The following PARD3B variants were observed in gnomAD, a reference collection of about 807,000 sequenced individuals.
PARD3B encodes the protein par-3 family cell polarity regulator beta, also known as partitioning defective 3 homolog B.
PARD3B carries 103 observed loss-of-function variants against 130.2 expected under a neutral mutation model. That is an observed-to-expected ratio of 0.79 (90% CI 0.67 to 0.93). The LOEUF (loss-of-function observed/expected upper bound fraction) is 0.93, where lower values mean the gene tolerates loss of function less well. Ranked by LOEUF, PARD3B falls within the 40% of genes least tolerant of loss-of-function variation. The pLI, the probability that PARD3B is intolerant of heterozygous loss-of-function variation, is 0.00. For missense variants in PARD3B, 1,609 were observed against 1,499.2 expected (o/e 1.07, Z -1.21); for synonymous variants, 583 against 553.2 (o/e 1.05, Z -0.76).
At chr2:205,513,555 C>A (rs2050672161) in intron 21 of PARD3B, among the ~76,000 whole-genome samples, 1 of 152,156 alleles carries the variant, frequency 6.6e-6, no homozygotes, top group African/African-American at 2.4e-5. Context: ...AGAAGAAAAC[C>A]TGTTAATATC....
chr2:204,637,128 G>T (rs2034910976), intron 1 of PARD3B, among the ~76,000 whole-genome samples: 1 of 151,816 alleles, frequency 6.6e-6, no homozygotes, highest in African/African-American at 2.4e-5. Context: ...AATTAATCTG[G>T]AGTACATTTT....
intron 1 of PARD3B, among the ~76,000 whole-genome samples, chr2:204,554,704 T>G (rs538082760): frequency 1.3e-5 from 2 of 152,128 alleles, no homozygotes; most frequent in East Asian, 3.9e-4. Context: ...AGTGATAATT[T>G]AAAATTATAA....
chr2:205,023,530 C>T lies in PARD3B; in HGVS notation c.395-24051C>T, dbSNP rs1448426729. Among the ~76,000 whole-genome samples, 8 of 93,634 alleles carry T rather than the reference C, an allele frequency of 8.5e-5. No homozygotes were observed. The South Asian group carries it at 2.9e-3, about 34-fold the overall frequency. 61.4% of individuals were successfully genotyped at this position (93,634 alleles called of 152,430 possible). ...TTTATTTTTATTTTTAGCAGCAGTA[C>T]CCCCCCACCCCCCGCCAAATCCCCC... On this transcript the variant is annotated intron_variant, in intron 3 of 22. Transcript: ENST00000406610.
chr2:205,232,171 T>C (rs908295326), intron 15 of PARD3B, among the ~76,000 whole-genome samples: 19 of 152,190 alleles, frequency 1.2e-4, no homozygotes, highest in Admixed American at 1.0e-3. Flanking sequence ...CAGGAAGGGC[T>C]AAGCACAGTG....
intron 4 of PARD3B, among the ~76,000 whole-genome samples, chr2:205,077,912 A>C (rs2125503338): frequency 6.6e-6 from 1 of 152,302 alleles, no homozygotes; most frequent in East Asian, 1.9e-4. Context: ...TGAGGTGGGG[A>C]AGTTTATAAA....
chr2:204,616,606 G>T (rs1406758560), intron 1 of PARD3B, among the ~76,000 whole-genome samples: 1 of 152,142 alleles, frequency 6.6e-6, no homozygotes, highest in African/African-American at 2.4e-5. Context: ...TCCAGCAATT[G>T]TGCTCCCTGA....
intron 2 of PARD3B, among the ~76,000 whole-genome samples, chr2:204,719,566 TA>T (rs2125316688): frequency 6.6e-6 from 1 of 152,342 alleles, no homozygotes; most frequent in African/African-American, 2.4e-5. Context: ...TAACCACATG[TA>T]ACCTTCTGGT....
intron 2 of PARD3B, among the ~76,000 whole-genome samples, chr2:204,904,095 TA>T (rs1264253819): frequency 3.9e-5 from 6 of 152,198 alleles, no homozygotes; most frequent in Admixed American, 1.3e-4. Context: ...TATTTTACTT[TA>T]TTTTTTTGCA....
At chr2:204,784,928 G>A (rs558608980) in intron 2 of PARD3B, among the ~76,000 whole-genome samples, 2 of 152,162 alleles carry the variant, frequency 1.3e-5, no homozygotes, top group African/African-American at 2.4e-5. Flanking sequence ...GTATTTTTAC[G>A]TCTTGTGTTA....
chr2:205,548,956 C>T (rs929859560), intron 21 of PARD3B, among the ~76,000 whole-genome samples: 1 of 152,048 alleles, frequency 6.6e-6, no homozygotes, highest in African/African-American at 2.4e-5. Context: ...GGCCAAAGAC[C>T]TCAATGGATC....
intron 2 of PARD3B, among the ~76,000 whole-genome samples, chr2:204,931,251 AT>A (rs1688008904): frequency 1.3e-5 from 2 of 152,248 alleles, no homozygotes; most frequent in Admixed American, 1.3e-4. Context: ...GCTCAGTCAA[AT>A]TTCTTCACCA....
In PARD3B at chr2:204,746,029, G is replaced by A. The variant is rs60803761; in HGVS notation, c.222+59747G>A. ...AAGTTCTAGGGTACATGTGTACAACGTGCAGGTTTGTTACATATGTATACA... is the reference window on the plus strand; with the variant it reads ...AAGTTCTAGGGTACATGTGTACAACATGCAGGTTTGTTACATATGTATACA... On this transcript the variant is annotated intron_variant, in intron 2 of 22. Coordinates refer to ENST00000406610, the MANE Select transcript of PARD3B (RefSeq NM_001302769.2). Among the ~76,000 whole-genome samples the A allele has an allele frequency of 8.6e-3, 1,274 of 148,766 alleles. 9 individuals are homozygous for A. Among genetic ancestry groups the A allele is most frequent in the African/African-American group, 0.029 (1,166 of 40,294 alleles).
intron 19 of PARD3B, among the ~76,000 whole-genome samples, chr2:205,424,680 T>A (rs968606361): frequency 4.6e-5 from 7 of 152,156 alleles, no homozygotes; most frequent in Non-Finnish European, 8.8e-5. Context: ...ATTCTCTTTA[T>A]TTTTCCTGTT....
rs2042903179 is a variant in PARD3B, at chr2:205,325,376, C to CCCCATCCT, written c.2630+23676_2630+23683dup. On this transcript the variant is annotated intron_variant, in intron 18 of 22. Coordinates refer to ENST00000406610, the MANE Select transcript of PARD3B (RefSeq NM_001302769.2). The surrounding 1 kb of genome is among the most constrained non-coding windows in gnomAD (Gnocchi z 4.1). ...ATTCCCTGTGACTACAATGCCCTTTCCCCATCCTTCAATCCACACTAACCC... is the reference window on the plus strand; with the variant it reads ...ATTCCCTGTGACTACAATGCCCTTTCCCCATCCTCCCATCCTTCAATCCACACTAACCC... Among the ~76,000 whole-genome samples, 1 of 152,100 alleles carries CCCCATCCT rather than the reference C, an allele frequency of 6.6e-6. No individual in the cohort carries two copies. The highest frequency in any genetic ancestry group is 1.5e-5 in the Non-Finnish European group (1 of 68,022).
intron 16 of PARD3B, among the ~76,000 whole-genome samples, chr2:205,294,620 TA>T (rs1265554455): frequency 6.6e-6 from 1 of 152,198 alleles, no homozygotes; most frequent in African/African-American, 2.4e-5. Flanking sequence ...AGTTTCACTT[TA>T]AAATAAAGTA....
At chr2:205,013,039 G>A (rs779451577) in intron 3 of PARD3B, among the ~76,000 whole-genome samples, 3 of 152,188 alleles carry the variant, frequency 2.0e-5, no homozygotes, top group East Asian at 1.9e-4. Context: ...TCTACGTAGC[G>A]TTTCCTAGAT....
chr2:205,114,319 T>A (rs1703869773), intron 6 of PARD3B, among the ~76,000 whole-genome samples: 1 of 152,132 alleles, frequency 6.6e-6, no homozygotes, highest in Admixed American at 6.6e-5. Context: ...GAACTTGTTT[T>A]AGATATTATG....
rs552050689 is a variant in PARD3B, at chr2:204,736,424, C to G, written c.222+50142C>G. Among the ~76,000 whole-genome samples the G allele has an allele frequency of 2.4e-4, 37 of 152,106 alleles. 2 individuals are homozygous for G. The South Asian group carries it at 7.5e-3, about 31-fold the overall frequency. ...TGCGTAGTTTTTATCGCTAGCCCCC[C>G]CTTTCATCCTCCTCCTCCTGAGTCT... On this transcript the variant is annotated intron_variant, in intron 2 of 22. Coordinates refer to ENST00000406610, the MANE Select transcript of PARD3B (RefSeq NM_001302769.2).
intron 1 of PARD3B, among the ~76,000 whole-genome samples, chr2:204,577,628 A>G (rs887841789): frequency 1.3e-5 from 2 of 152,286 alleles, no homozygotes; most frequent in East Asian, 1.9e-4. Context: ...CTGGAGTGCA[A>G]TGGTGGGATC....
Sources: allele counts gnomAD v4.1 joint callset (sites outside exome capture counted in the v4.1 genomes callset), GRCh38; gene constraint gnomAD v4.1.1; non-coding constraint Gnocchi (gnomAD v3.1); transcripts MANE v1.5; gene names NCBI Gene and HGNC (gene_info 2026-07-23, HGNC 2026-07-21).